The following LPA variants were observed in gnomAD, a reference collection of about 807,000 sequenced individuals.
The protein encoded by LPA is lipoprotein(a).
In LPA, 199 loss-of-function variants were observed where a neutral mutation model predicts 197.9. The observed-to-expected ratio is 1.01, with a 90% CI of 0.90 to 1.13. The LOEUF is 1.13. Among genes scored for constraint, LPA ranks in the 50% most tolerant of loss-of-function variants. LPA has a pLI of 0.00. For synonymous variants in LPA, 715 were observed against 639.5 expected (o/e 1.12, Z -1.78); for missense variants, 1,853 against 1,785.8 (o/e 1.04, Z -0.68).
chr6:160,573,339 T>C (rs1358343115), intron 28 of LPA, among the ~76,000 whole-genome samples: 2 of 152,040 alleles, frequency 1.3e-5, no homozygotes, highest in East Asian at 3.9e-4. Context: ...CTTTTACTTC[T>C]TATACCTTTT....
rs559619224 is a variant in LPA, at chr6:160,649,843, T to C, written c.209+495A>G. 7.9e-5 allele frequency among the ~76,000 whole-genome samples: 12 copies of C among 152,284 alleles called. No homozygotes were observed. In the East Asian group the frequency reaches 2.3e-3, roughly 29 times the overall value. ...GCTTCTCTCTTCCTGGCAACCCGTA[T>C]TCCTTCAGACCACTGGTGCTCAGGA... On this transcript the variant is annotated intron_variant, in intron 2 of 38. Coordinates refer to ENST00000316300, the MANE Select transcript of LPA (RefSeq NM_005577.4).
chr6:160,541,943 T>C (rs1442954044), intron 34 of LPA, among the ~76,000 whole-genome samples: 5 of 152,200 alleles, frequency 3.3e-5, no homozygotes, highest in African/African-American at 1.2e-4. Flanking sequence ...GGTTTGTCGA[T>C]GGCATTTCAC....
At chr6:160,536,825 C>G (rs1354840907) in intron 37 of LPA, among the ~76,000 whole-genome samples, 1 of 152,042 alleles carries the variant, frequency 6.6e-6, no homozygotes, top group East Asian at 1.9e-4. Flanking sequence ...AGGAAAATGA[C>G]AGAAAAAGGG....
chr6:160,653,743 A>T (rs1303680637), intron 1 of LPA, among the ~76,000 whole-genome samples: 2 of 149,742 alleles, frequency 1.3e-5, no homozygotes, highest in African/African-American at 4.9e-5. Flanking sequence ...ATGAACACAG[A>T]TGCAAAAATT....
At position 160,650,339 on chromosome 6, in the gene LPA, C is replaced by T. The variant is rs967287601; in HGVS notation, c.208G>A (p.Ala70Thr). 9.9e-6 allele frequency: 16 copies of T among 1,613,148 alleles called. No individual in the cohort carries two copies. Among genetic ancestry groups the T allele is most frequent in the Non-Finnish European group, 1.4e-5 (16 of 1,179,586 alleles). The change falls in exon 2 of 39, where the codon GCT becomes ACT. Residue 70 changes from alanine (A) to threonine (T), a missense_variant and splice_region_variant. Ala to Thr is a moderately conservative substitution (Grantham distance 58). This residue lies in a region of LPA where 88 missense variants were observed against 83.0 expected (regional missense o/e 1.06). Coordinates refer to ENST00000316300, the MANE Select transcript of LPA (RefSeq NM_005577.4). ...CTTACTGTAAGATTAATGACATACG[C>T]ATTTGGGTAGTTTTCTGTGGTCCTA... is the stretch of plus-strand genomic sequence containing the variant. Reference protein sequence around the residue: ...HNRTTENYPNAGLIMNYCRNP... With the variant: ...HNRTTENYPNTGLIMNYCRNP...
intron 28 of LPA, among the ~76,000 whole-genome samples, chr6:160,572,892 A>C (rs1043729499): frequency 6.6e-6 from 1 of 152,092 alleles, no homozygotes; most frequent in African/African-American, 2.4e-5. Context: ...CTAGGCTAAG[A>C]TCTTTTTGTG....
At chr6:160,575,047 A>G (rs1162561953) in intron 28 of LPA, among the ~76,000 whole-genome samples, 4 of 152,172 alleles carry the variant, frequency 2.6e-5, no homozygotes, top group African/African-American at 9.6e-5. Context: ...TATATAAACA[A>G]TCTTTTTTCC....
intron 28 of LPA, among the ~76,000 whole-genome samples, chr6:160,560,449 A>C (rs1285782033): frequency 6.6e-6 from 1 of 152,192 alleles, no homozygotes; most frequent in Non-Finnish European, 1.5e-5. Context: ...CCTCTTCAGC[A>C]TCTGTTGTTT....
chr6:160,609,381 AG>A (rs1779431315), intron 16 of LPA, among the ~76,000 whole-genome samples: 1 of 152,068 alleles, frequency 6.6e-6, no homozygotes, highest in South Asian at 2.1e-4. Context: ...AGTGTTTCTG[AG>A]GTGAACGCAT....
At chr6:160,590,621 T>C (rs1779006895) in intron 23 of LPA, among the ~76,000 whole-genome samples, 1 of 152,324 alleles carries the variant, frequency 6.6e-6, no homozygotes, top group South Asian at 2.1e-4. Flanking sequence ...ATGAGCTTGG[T>C]AAATCATCAC....
chr6:160,608,192 C>T (rs1302447258), intron 16 of LPA, among the ~76,000 whole-genome samples: 1 of 152,078 alleles, frequency 6.6e-6, no homozygotes, highest in African/African-American at 2.4e-5. Context: ...GCAGAAAGTT[C>T]CCTTCTTGTA....
At chr6:160,540,831 G>A (rs769549884) in intron 35 of LPA, among the ~76,000 whole-genome samples, 6 of 152,146 alleles carry the variant, frequency 3.9e-5, no homozygotes, top group Non-Finnish European at 8.8e-5. Context: ...GAACAGCTCT[G>A]TCCTGCGGTT....
chr6:160,615,369 T>A, intron 14 of LPA, among the ~76,000 whole-genome samples: 1 of 138,098 alleles, frequency 7.2e-6, no homozygotes, highest in African/African-American at 2.8e-5. Context: ...TGTGTGTGTG[T>A]GTGTGTGTGT....
chr6:160,541,957 C>T lies in LPA; in HGVS notation c.5519+731G>A, dbSNP rs146531396. Among the ~76,000 whole-genome samples the T allele has an allele frequency of 6.9e-4, 104 of 151,732 alleles. 1 individual carries two copies. Among genetic ancestry groups the T allele is most frequent in the African/African-American group, 2.4e-3 (100 of 41,522 alleles). ...AGGTTTGTCGATGGCATTTCACAAA[C>T]TTACAGAAGGAAGTCTCTTTAGAGG... On this transcript the variant is annotated intron_variant, in intron 34 of 38. Coordinates refer to ENST00000316300, the MANE Select transcript of LPA (RefSeq NM_005577.4).
At chr6:160,591,455 T>C (rs1460470285) in intron 22 of LPA, among the ~76,000 whole-genome samples, 1 of 152,256 alleles carries the variant, frequency 6.6e-6, no homozygotes, top group Non-Finnish European at 1.5e-5. Flanking sequence ...GATTGTTTTA[T>C]GCACGTACAA....
chr6:160,660,147 C>T (rs1780200797), intron 1 of LPA, among the ~76,000 whole-genome samples: 2 of 151,954 alleles, frequency 1.3e-5, no homozygotes, highest in South Asian at 2.1e-4. Flanking sequence ...CTTGCCACCA[C>T]CCAAAGAAGG....
chr6:160,542,278 C>T (rs1777993303), intron 34 of LPA, among the ~76,000 whole-genome samples: 1 of 152,174 alleles, frequency 6.6e-6, no homozygotes, highest in East Asian at 1.9e-4. Context: ...AAAATCTGTG[C>T]CTGTGATAGA....
chr6:160,601,318 G>A (rs1779238740), intron 18 of LPA, among the ~76,000 whole-genome samples: 1 of 152,030 alleles, frequency 6.6e-6, no homozygotes, highest in Admixed American at 6.5e-5. Context: ...AAAATCTAAT[G>A]CAGCACACAC....
chr6:160,641,100 C>G (rs1428686297), intron 4 of LPA, among the ~76,000 whole-genome samples: 9 of 136,560 alleles, frequency 6.6e-5, no homozygotes, highest in Non-Finnish European at 1.1e-4. Flanking sequence ...CTTAGAAACA[C>G]TGAGATAACA....
Sources: gnomAD v4.1 joint callset for allele counts (sites outside exome capture counted in the v4.1 genomes callset) on GRCh38, gnomAD v4.1.1 for gene constraint, gnomAD v4.1.1 regional missense constraint, MANE v1.5 for transcripts, NCBI Gene and HGNC (gene_info 2026-07-23, HGNC 2026-07-21) for gene names.